Variants in TRIM39 observed in about 807,000 individuals in gnomAD.
TRIM39 encodes tripartite motif containing 39.
In TRIM39, 5 loss-of-function variants were observed where a neutral mutation model predicts 53.6. The ratio of observed to expected loss-of-function variants is 0.09; its 90% CI spans 0.05 to 0.20. TRIM39 has a LOEUF of 0.20. Among genes scored for constraint, TRIM39 ranks in the 10% least tolerant of loss-of-function variants. The probability of loss-of-function intolerance (pLI) is 1.00; values close to 1 mark genes in which losing one functional copy is unlikely to be tolerated. For missense variants in TRIM39, 310 were observed against 621.0 expected, an observed-to-expected ratio of 0.50 and a Z score of 5.32; for synonymous variants, 196 against 237.6, an observed-to-expected ratio of 0.82 and a Z score of 1.61.
rs1046130441 is a variant in TRIM39 at position 30,339,147 on chromosome 6, T to C, written c.781-761T>C. Among the ~76,000 whole-genome samples the C allele has an allele frequency of 1.3e-5, 2 of 151,998 alleles. No individual in the cohort carries two copies. The highest frequency in any genetic ancestry group is 4.8e-5 in the African/African-American group (2 of 41,370). ...ATTAGCACACAGTTATTAATGTGTT[T>C]ATTCTTCCTTTTTTTTTTTTCTGAG... On this transcript the variant is annotated intron_variant, in intron 5 of 7. Transcript: ENST00000396551. This position sits in a 1 kb window ranked among gnomAD's most constrained non-coding sequence, Gnocchi z 4.2.
chr6:30,335,892 C>T lies in TRIM39; in HGVS notation c.697C>T (p.Leu233Phe). The T allele has an allele frequency of 6.2e-7, 1 of 1,613,012 alleles. No homozygotes were observed. Among genetic ancestry groups the T allele is most frequent in the Non-Finnish European group, 8.5e-7 (1 of 1,180,016 alleles). The change falls in exon 5 of 8, where the codon CTT becomes TTT. Residue 233 changes from leucine (L) to phenylalanine (F), a missense_variant. Around this residue, in one of 5 missense-constraint regions of TRIM39, gnomAD observed 161 missense variants for 210.0 expected, o/e 0.77. Transcript: ENST00000396551. This position sits in a 1 kb window ranked among gnomAD's most constrained non-coding sequence, Gnocchi z 4.7. Reference sequence around the variant, plus strand: ...GCGACTCCGAGAAAATGCTGCTCACCTTGGGGACAAGCGCCGGGACCTGGC... The same window carrying T: ...GCGACTCCGAGAAAATGCTGCTCACTTTGGGGACAAGCGCCGGGACCTGGC...
chr6:30,340,135 G>A, intron 6 of TRIM39: 4 of 1,066,456 alleles, frequency 3.8e-6, no homozygotes, highest in Non-Finnish European at 5.7e-6. Flanking sequence ...TGAACATCAG[G>A]ACTTCTTGAG....
rs573229938 is a variant in TRIM39, at chr6:30,328,781, T to C, written c.-160-108T>C. ...AGAATGAGAGAACAGTGTCAGAGAA[T>C]CAAGCTTAGACTCCAGTGGATTAAT... On this transcript the variant is annotated intron_variant, in intron 1 of 7. Transcript: ENST00000396551. 2.6e-5 allele frequency: 4 copies of C among 152,796 alleles called. 1 individual carries two copies. The South Asian group carries it at 8.2e-4, about 31-fold the overall frequency. The allele number at this position is 152,796 out of a possible 1,614,324, so 9.5% of individuals were successfully genotyped here. A position where few individuals can be genotyped will look rare whatever the true frequency, so the allele number is the denominator to read the frequency against.
At chr6:30,334,925 T>C (rs973395954) in intron 4 of TRIM39, among the ~76,000 whole-genome samples, 7 of 152,104 alleles carry the variant, frequency 4.6e-5, no homozygotes, top group Non-Finnish European at 8.8e-5. Flanking sequence ...TGAAACAAGG[T>C]CTCACTATGT....
exon 7 of TRIM39, chr6:30,340,589 T>C (rs1182175228): frequency 1.2e-6 from 2 of 1,612,978 alleles, no homozygotes; most frequent in Admixed American, 1.7e-5. Context: ...GACAGTACTT[T>C]GCCCTAAGGA....
chr6:30,338,583 A>G lies in TRIM39; in HGVS notation c.781-1325A>G, dbSNP rs1787134911. Among the ~76,000 whole-genome samples, 1 of 150,272 alleles carries G rather than the reference A, an allele frequency of 6.7e-6. No homozygotes were observed. The highest frequency in any genetic ancestry group is 1.5e-5 in the Non-Finnish European group (1 of 67,818). On this transcript the variant is annotated intron_variant, in intron 5 of 7. Transcript: ENST00000396551. The surrounding 1 kb of genome is among the most constrained non-coding windows in gnomAD (Gnocchi z 4.0). The stretch of plus-strand genomic sequence containing the variant: ...GATTACAATAGTAACATCAAAGATC[A>G]CTGATCACAGATCATACTAGATATA...
chr6:30,335,990 C>T lies in TRIM39; in HGVS notation c.780+15C>T, dbSNP rs375868740. 8.6e-4 allele frequency: 1,380 copies of T among 1,612,712 alleles called. 4 individuals are homozygous for T. Among genetic ancestry groups the T allele is most frequent in the Non-Finnish European group, 8.4e-4 (988 of 1,179,936 alleles). On this transcript the variant is annotated intron_variant, in intron 5 of 7. Coordinates refer to ENST00000396551, the Ensembl canonical transcript of TRIM39. The surrounding 1 kb of genome is among the most constrained non-coding windows in gnomAD (Gnocchi z 4.7). ...AGATGCTTAAGGTTCGACCTTTGCC[C>T]CTGCATAGCCCCTCAGGCTGAGTGC...
At chr6:30,330,426 AG>A (rs1412585988) in intron 3 of TRIM39, among the ~76,000 whole-genome samples, 1 of 152,226 alleles carries the variant, frequency 6.6e-6, no homozygotes, top group Non-Finnish European at 1.5e-5. Context: ...ATGGGAGGAC[AG>A]GTTTAAAGAG....
chr6:30,342,159 C>T lies in TRIM39; in HGVS notation c.1367C>T (p.Thr456Ile). The T allele has an allele frequency of 6.2e-7, 1 of 1,613,076 alleles. No homozygotes were observed. Among genetic ancestry groups the T allele is most frequent in the Non-Finnish European group, 8.5e-7 (1 of 1,180,044 alleles). Residue 456 changes from threonine to isoleucine, a missense_variant, in exon 8 of 8, where the codon ACT becomes ATT. Coordinates refer to ENST00000396551, the Ensembl canonical transcript of TRIM39. The surrounding 1 kb of genome is among the most constrained non-coding windows in gnomAD (Gnocchi z 4.7). Reference sequence around the variant, plus strand: ...TCTCATATCTACACCTTCACTGATACTTTTACTGAGAAACTTTGGCCCCTC... The same window carrying T: ...TCTCATATCTACACCTTCACTGATATTTTTACTGAGAAACTTTGGCCCCTC...
rs763450349 is a variant in TRIM39, at chr6:30,340,638, G to C, written c.919+18G>C. The C allele has an allele frequency of 2.5e-6, 4 of 1,604,314 alleles. No homozygotes were observed. Among genetic ancestry groups the C allele is most frequent in the Non-Finnish European group, 2.5e-6 (3 of 1,177,580 alleles). On this transcript the variant is annotated intron_variant, in intron 7 of 7. Transcript: ENST00000396551. ...GCTAATTGGTGAGTTGTTCCCAAAA[G>C]GAAACTAGAAGAAACCACTAGAGAG...
chr6:30,342,296 G>A lies in TRIM39; in HGVS notation c.*37G>A, dbSNP rs1374067672. ...GTGGGAATGACTGGGGTGAGGCAGG[G>A]TCAAGTGCTACGGGCCTCCTTCCCG... is the stretch of plus-strand genomic sequence containing the variant. On this transcript the variant is annotated 3_prime_UTR_variant, in exon 8 of 8. Coordinates refer to ENST00000396551, the Ensembl canonical transcript of TRIM39. The surrounding 1 kb of genome is among the most constrained non-coding windows in gnomAD (Gnocchi z 4.7). 1.9e-6 allele frequency: 3 copies of A among 1,600,214 alleles called. No individual in the cohort carries two copies. The highest frequency in any genetic ancestry group is 1.7e-6 in the Non-Finnish European group (2 of 1,172,328).
At chr6:30,341,756 C>G in exon 8 of TRIM39, 1 of 1,613,028 alleles carries the variant, frequency 6.2e-7, no homozygotes, top group South Asian at 1.1e-5. Flanking sequence ...TAACCTAGTC[C>G]TGTCAGAGGA....
chr6:30,333,053 A>C (rs1415641995), intron 4 of TRIM39, among the ~76,000 whole-genome samples: 1 of 152,226 alleles, frequency 6.6e-6, no homozygotes, highest in Non-Finnish European at 1.5e-5. Flanking sequence ...ACGACTTTAC[A>C]GTGTAGCTGG....
intron 3 of TRIM39, 108 bp downstream of exon 3, chr6:30,329,878 C>A: frequency 7.0e-7 from 1 of 1,423,598 alleles, no homozygotes; most frequent in African/African-American, 1.4e-5. Context: ...ACTTTGTATT[C>A]TCAGAGCTGC....
chr6:30,342,631 C>T lies in TRIM39; in HGVS notation c.*372C>T, dbSNP rs1787675509. 3.2e-6 allele frequency: 1 copy of T among 317,210 alleles called. No homozygotes were observed. Among genetic ancestry groups the T allele is most frequent in the Non-Finnish European group, 5.8e-6 (1 of 171,746 alleles). 19.6% of individuals were successfully genotyped at this position (317,210 alleles called of 1,614,324 possible). ...AGAGGAGGAAACAGAAACCCCTGCA[C>T]ATCTTTTTAGGGGGTTCTTTGACCC... is the stretch of plus-strand genomic sequence containing the variant. On this transcript the variant is annotated 3_prime_UTR_variant, in exon 8 of 8. Transcript: ENST00000396551. This position sits in a 1 kb window ranked among gnomAD's most constrained non-coding sequence, Gnocchi z 4.7.
At chr6:30,333,353 G>GTTTTTT (rs9278647) in intron 4 of TRIM39, among the ~76,000 whole-genome samples, 3 of 106,086 alleles carry the variant, frequency 2.8e-5, no homozygotes, top group African/African-American at 3.9e-5. Flanking sequence ...TGTTTTTGTG[G>GTTTTTT]TTTTTTTTTT....
chr6:30,331,994 G>C (rs1786241417), intron 4 of TRIM39, among the ~76,000 whole-genome samples: 1 of 152,160 alleles, frequency 6.6e-6, no homozygotes, highest in Non-Finnish European at 1.5e-5. Flanking sequence ...TGGGATAAGT[G>C]AGACATAGAA....
At chr6:30,336,916 A>G (rs1786931902) in intron 5 of TRIM39, among the ~76,000 whole-genome samples, 1 of 152,364 alleles carries the variant, frequency 6.6e-6, no homozygotes, top group African/African-American at 2.4e-5. Context: ...AAATACATTT[A>G]TTAAGACTTG....
intron 7 of TRIM39, 73 bp from the exon 8 acceptor site, chr6:30,341,639 C>A: frequency 6.6e-7 from 1 of 1,516,316 alleles, no homozygotes; most frequent in South Asian, 1.3e-5. Flanking sequence ...TAAAGGCAGG[C>A]TGGAAGAGTG....
Sources: allele counts gnomAD v4.1 joint callset (sites outside exome capture counted in the v4.1 genomes callset), GRCh38; gene constraint gnomAD v4.1.1; regional missense constraint gnomAD v4.1.1; non-coding constraint Gnocchi (gnomAD v3.1); transcripts MANE v1.5; gene names NCBI Gene and HGNC (gene_info 2026-07-23, HGNC 2026-07-21).